NKAIN2: variants seen among roughly 807,000 people sequenced by gnomAD.
NKAIN2 encodes sodium/potassium transporting ATPase interacting 2.
Under a neutral mutation model 32.6 loss-of-function variants are expected in NKAIN2, and 14 were observed. The observed-to-expected ratio is 0.43, with a 90% CI of 0.28 to 0.67. The LOEUF (loss-of-function observed/expected upper bound fraction) is 0.67. NKAIN2 is among the 30% of genes least tolerant of loss of function. NKAIN2 has a pLI of 0.17. For missense variants in NKAIN2, 198 were observed against 258.3 expected, an observed-to-expected ratio of 0.77 and a Z score of 1.60; for synonymous variants, 80 against 87.2, an observed-to-expected ratio of 0.92 and a Z score of 0.46.
chr6:124,687,779 CACAT>C (rs1474772930), intron 4 of NKAIN2, among the ~76,000 whole-genome samples: 31 of 144,872 alleles, frequency 2.1e-4, no homozygotes, highest in East Asian at 1.6e-3. Flanking sequence ...CACACACACA[CACAT>C]ACTGTTCTAT....
At chr6:124,631,826 T>C (rs1783581280) in intron 3 of NKAIN2, among the ~76,000 whole-genome samples, 1 of 152,112 alleles carries the variant, frequency 6.6e-6, no homozygotes, top group South Asian at 2.1e-4. Context: ...ACATAATTTT[T>C]AGATCTCACA....
At chr6:124,369,898 T>TTTTTTTTTTTTA (rs1554196328) in intron 3 of NKAIN2, among the ~76,000 whole-genome samples, 7 of 148,672 alleles carry the variant, frequency 4.7e-5, no homozygotes, top group East Asian at 2.0e-4. Flanking sequence ...TTTTTTTTTT[T>TTTTTTTTTTTTA]AACCTGTGGA....
At chr6:123,813,184 A>T (rs1354529135) in intron 1 of NKAIN2, among the ~76,000 whole-genome samples, 3 of 152,186 alleles carry the variant, frequency 2.0e-5, no homozygotes, top group Admixed American at 2.0e-4. Context: ...AGAAAATTAT[A>T]CTGGGGTGGA....
chr6:124,435,645 C>T (rs551763934), intron 3 of NKAIN2, among the ~76,000 whole-genome samples: 4 of 152,054 alleles, frequency 2.6e-5, no homozygotes, highest in Admixed American at 1.3e-4. Context: ...AGCTCGTGTT[C>T]GTATTAGGAG....
rs568654193 is a variant in NKAIN2, at chr6:124,256,885, G to GTTTT, written c.55-26099_55-26096dup. On this transcript the variant is annotated intron_variant, in intron 1 of 6. Coordinates refer to ENST00000368417, the MANE Select transcript of NKAIN2 (RefSeq NM_001040214.3). The stretch of plus-strand genomic sequence containing the variant: ...ACAATGTTTCAATTAGCTTTCTGTT[G>GTTTT]TTTTTTTTTTTTTTTTTTTTTTTTG... Among the ~76,000 whole-genome samples the GTTTT allele has an allele frequency of 8.0e-3, 609 of 75,846 alleles. 24 individuals are homozygous for GTTTT. The highest frequency in any genetic ancestry group is 0.022 in the African/African-American group (448 of 20,806). 49.8% of individuals were successfully genotyped at this position (75,846 alleles called of 152,430 possible). A position where few individuals can be genotyped will look rare whatever the true frequency, so the allele number is the denominator to read the frequency against.
intron 3 of NKAIN2, among the ~76,000 whole-genome samples, chr6:124,409,663 G>C (rs957337345): frequency 6.6e-6 from 1 of 152,106 alleles, no homozygotes. Context: ...CTCTTTTCTT[G>C]TTGTGTCTCT....
chr6:124,585,031 G>T (rs1412890206), intron 3 of NKAIN2, among the ~76,000 whole-genome samples: 3 of 152,120 alleles, frequency 2.0e-5, no homozygotes, highest in African/African-American at 4.8e-5. Context: ...AGCACTATTT[G>T]CAATAACCAA....
At chr6:124,403,179 A>T (rs117731602) in intron 3 of NKAIN2, among the ~76,000 whole-genome samples, 1 of 151,962 alleles carries the variant, frequency 6.6e-6, no homozygotes, top group African/African-American at 2.4e-5. Context: ...TCAATTTTCT[A>T]TTTTCCGTTT....
At chr6:124,267,765 T>C (rs1402508819) in intron 1 of NKAIN2, among the ~76,000 whole-genome samples, 1 of 152,170 alleles carries the variant, frequency 6.6e-6, no homozygotes, top group Non-Finnish European at 1.5e-5. Context: ...TAAAATACTC[T>C]TGATATAGAA....
chr6:124,014,950 A>G (rs1780493494), intron 1 of NKAIN2, among the ~76,000 whole-genome samples: 1 of 152,130 alleles, frequency 6.6e-6, no homozygotes, highest in Non-Finnish European at 1.5e-5. Flanking sequence ...TTCCTGATAT[A>G]GTTTTATACA....
intron 1 of NKAIN2, among the ~76,000 whole-genome samples, chr6:124,095,805 A>G (rs1281246536): frequency 6.6e-6 from 1 of 152,172 alleles, no homozygotes; most frequent in African/African-American, 2.4e-5. Flanking sequence ...TGCATTCAAC[A>G]TCAAGCTTAC....
At chr6:124,273,127 A>G (rs1794873771) in intron 1 of NKAIN2, among the ~76,000 whole-genome samples, 1 of 152,214 alleles carries the variant, frequency 6.6e-6, no homozygotes, top group Non-Finnish European at 1.5e-5. Context: ...GGAAGTCATG[A>G]TCTGTTTTGA....
intron 3 of NKAIN2, among the ~76,000 whole-genome samples, chr6:124,469,130 G>A (rs1776875837): frequency 6.6e-6 from 1 of 152,250 alleles, no homozygotes; most frequent in Middle Eastern, 3.4e-3. Flanking sequence ...GCTGATCTGG[G>A]TGCTCTGAAT....
intron 1 of NKAIN2, among the ~76,000 whole-genome samples, chr6:124,065,050 CT>C: frequency 6.6e-6 from 1 of 152,238 alleles, no homozygotes; most frequent in East Asian, 1.9e-4. Context: ...CACAGATTGA[CT>C]TTTATGTGTT....
At chr6:124,430,830 T>A (rs1775187112) in intron 3 of NKAIN2, among the ~76,000 whole-genome samples, 2 of 152,076 alleles carry the variant, frequency 1.3e-5, no homozygotes, top group African/African-American at 4.8e-5. Flanking sequence ...TTTAAAACCA[T>A]CATATACATT....
chr6:123,900,550 T>G (rs1226844163), intron 1 of NKAIN2, among the ~76,000 whole-genome samples: 4 of 104,312 alleles, frequency 3.8e-5, no homozygotes, highest in South Asian at 3.2e-4. Flanking sequence ...TTTTTTTTTT[T>G]TTTTTTTTTT....
chr6:124,696,033 T>C (rs1052692996), intron 4 of NKAIN2, among the ~76,000 whole-genome samples: 8 of 152,182 alleles, frequency 5.3e-5, no homozygotes, highest in African/African-American at 1.9e-4. Context: ...CTAATGGCAA[T>C]AGACTGAGAG....
At chr6:124,272,405 A>T (rs904398454) in intron 1 of NKAIN2, among the ~76,000 whole-genome samples, 6 of 152,182 alleles carry the variant, frequency 3.9e-5, no homozygotes, top group African/African-American at 1.4e-4. Flanking sequence ...TCAAAACCCA[A>T]GCTTTGGTGG....
chr6:124,306,171 T>C (rs975656595), intron 2 of NKAIN2, among the ~76,000 whole-genome samples: 2 of 152,180 alleles, frequency 1.3e-5, no homozygotes, highest in African/African-American at 4.8e-5. Context: ...TATGGTAAGT[T>C]GCTTCTTGTT....
Sources: allele counts gnomAD v4.1 joint callset (sites outside exome capture counted in the v4.1 genomes callset), GRCh38; gene constraint gnomAD v4.1.1; transcripts MANE v1.5; gene names NCBI Gene and HGNC (gene_info 2026-07-23, HGNC 2026-07-21).